Variants in PGBD5 observed in about 807,000 individuals in gnomAD.
The protein encoded by PGBD5 is piggyBac transposable element-derived protein 5.
Under a neutral mutation model 47.9 loss-of-function variants are expected in PGBD5, and 14 were observed. That is an observed-to-expected ratio of 0.29 (90% confidence interval 0.19 to 0.46). The LOEUF (loss-of-function observed/expected upper bound fraction) is 0.46. Among genes scored for constraint, PGBD5 ranks in the 20% least tolerant of loss-of-function variants. PGBD5 has a pLI of 1.00. For synonymous variants in PGBD5, 316 were observed against 306.3 expected, an observed-to-expected ratio of 1.03 and a Z score of -0.33; for missense variants, 635 against 716.0, an observed-to-expected ratio of 0.89 and a Z score of 1.29.
chr1:230,331,561 T>C (rs879797895), intron 5 of PGBD5, among the ~76,000 whole-genome samples: 1 of 152,142 alleles, frequency 6.6e-6, no homozygotes, highest in Non-Finnish European at 1.5e-5. Context: ...AGCCTTCAGC[T>C]TGCAAGGCCA....
chr1:230,376,681 C>T (rs1439182244), intron 1 of PGBD5, among the ~76,000 whole-genome samples: 2 of 152,198 alleles, frequency 1.3e-5, no homozygotes, highest in Admixed American at 1.3e-4. Flanking sequence ...AAACACACAA[C>T]TCCAGGGTCA....
intron 5 of PGBD5, among the ~76,000 whole-genome samples, chr1:230,327,941 T>C (rs1667148929): frequency 6.6e-6 from 1 of 152,248 alleles, no homozygotes; most frequent in Non-Finnish European, 1.5e-5. Context: ...AATGACAACC[T>C]TCTCTGGGTC....
chr1:230,394,258 G>A (rs562647470), intron 1 of PGBD5, among the ~76,000 whole-genome samples: 65 of 151,644 alleles, frequency 4.3e-4, no homozygotes, highest in African/African-American at 1.5e-3. Flanking sequence ...AAGAACCTCC[G>A]TTTCGTTTCC....
At chr1:230,410,281 A>T (rs1318443832) in intron 1 of PGBD5, among the ~76,000 whole-genome samples, 2 of 152,214 alleles carry the variant, frequency 1.3e-5, no homozygotes, top group Non-Finnish European at 2.9e-5. Context: ...GAACATGACA[A>T]AAAGTTATTT....
chr1:230,348,585 G>T (rs574133698), intron 3 of PGBD5, among the ~76,000 whole-genome samples: 1 of 152,322 alleles, frequency 6.6e-6, no homozygotes, highest in East Asian at 1.9e-4. Flanking sequence ...CCAGGGCTGT[G>T]CTTGCCCAGG....
intron 1 of PGBD5, chr1:230,362,418 G>A: frequency 7.5e-7 from 1 of 1,338,456 alleles, no homozygotes; most frequent in Non-Finnish European, 9.9e-7. Flanking sequence ...GGGGAAGCCT[G>A]TGTCAGACCT....
intron 1 of PGBD5, among the ~76,000 whole-genome samples, chr1:230,417,376 G>A (rs568867277): frequency 6.6e-6 from 1 of 152,288 alleles, no homozygotes; most frequent in African/African-American, 2.4e-5. Context: ...GTGGGATCCA[G>A]GGTTTGCTAC....
At chr1:230,417,199 C>T (rs976150127) in intron 1 of PGBD5, among the ~76,000 whole-genome samples, 2 of 152,074 alleles carry the variant, frequency 1.3e-5, no homozygotes, top group African/African-American at 4.8e-5. Flanking sequence ...CAGTATTCTC[C>T]CACCCCCAAG....
chr1:230,350,906 TTCTTCCCCGACCC>T, intron 3 of PGBD5, 39 bp downstream of exon 3: 4 of 1,593,300 alleles, frequency 2.5e-6, no homozygotes, highest in Non-Finnish European at 2.6e-6. Flanking sequence ...CGCCCGGATT[TTCTTCCCCGACCC>T]TCTTCACCGA....
chr1:230,324,914 G>A (rs770811047), intron 6 of PGBD5, among the ~76,000 whole-genome samples: 8 of 152,216 alleles, frequency 5.3e-5, no homozygotes, highest in Non-Finnish European at 1.2e-4. Flanking sequence ...AGAAGTGCCC[G>A]AGCTGATGCC....
chr1:230,402,048 G>C (rs559178251), intron 1 of PGBD5, among the ~76,000 whole-genome samples: 17 of 152,324 alleles, frequency 1.1e-4, no homozygotes, highest in Non-Finnish European at 2.2e-4. Flanking sequence ...GTGACAGGGA[G>C]GGGGAGAGAA....
chr1:230,333,468 G>C (rs1042792592), intron 4 of PGBD5, among the ~76,000 whole-genome samples: 23 of 152,176 alleles, frequency 1.5e-4, no homozygotes, highest in African/African-American at 5.6e-4. Flanking sequence ...ACTGAGACTC[G>C]AGAAGGGCGA....
At chr1:230,417,270 TC>T (rs1444411013) in intron 1 of PGBD5, among the ~76,000 whole-genome samples, 1 of 152,068 alleles carries the variant, frequency 6.6e-6, no homozygotes, top group Non-Finnish European at 1.5e-5. Flanking sequence ...GCTGTCATTT[TC>T]CCTCCTCCTT....
At chr1:230,346,181 T>C (rs1037011532) in intron 3 of PGBD5, among the ~76,000 whole-genome samples, 1 of 152,168 alleles carries the variant, frequency 6.6e-6, no homozygotes, top group Non-Finnish European at 1.5e-5. Flanking sequence ...TAGCTGGGTC[T>C]ACAGATGTGT....
chr1:230,390,188 C>A (rs1656751300), intron 1 of PGBD5, among the ~76,000 whole-genome samples: 1 of 152,182 alleles, frequency 6.6e-6, no homozygotes. Flanking sequence ...GCTCTGCCCA[C>A]CATAAGTGGG....
intron 1 of PGBD5, among the ~76,000 whole-genome samples, chr1:230,362,659 C>A (rs951379518): frequency 3.9e-5 from 6 of 152,168 alleles, no homozygotes; most frequent in Non-Finnish European, 5.9e-5. Flanking sequence ...CGTCTCCCGA[C>A]CCCAGCTAAA....
At chr1:230,351,129 G>T in intron 2 of PGBD5, 37 bp from the exon 3 acceptor site, 3 of 1,594,064 alleles carry the variant, frequency 1.9e-6, no homozygotes, top group Non-Finnish European at 2.6e-6. Context: ...CTCACGGAAG[G>T]CAGCATGAGC....
chr1:230,419,285 T>C (rs947863847), intron 1 of PGBD5, among the ~76,000 whole-genome samples: 1 of 152,222 alleles, frequency 6.6e-6, no homozygotes. Flanking sequence ...GAGGTCATTA[T>C]CCTAAGTGAA....
In PGBD5 at chr1:230,337,704, T is replaced by C. The variant is rs549619874; in HGVS notation, c.895-416A>G. ...CTTCTTAATTTACAAGGTATGTTCA[T>C]AATGACTGTTTAATTTGTTCTTTAT... On this transcript the variant is annotated intron_variant, in intron 3 of 6. Transcript: ENST00000391860. Among the ~76,000 whole-genome samples the C allele has an allele frequency of 2.0e-5, 3 of 152,356 alleles. No homozygotes were observed. In the East Asian group the frequency reaches 5.8e-4, roughly 29 times the overall value.
Sources: allele counts gnomAD v4.1 joint callset (sites outside exome capture counted in the v4.1 genomes callset), GRCh38; gene constraint gnomAD v4.1.1; transcripts MANE v1.5; gene names NCBI Gene and HGNC (gene_info 2026-07-23, HGNC 2026-07-21).